UBA1: variants seen among roughly 807,000 people sequenced by gnomAD.
UBA1 encodes the protein ubiquitin like modifier activating enzyme 1, also known as ubiquitin-like modifier-activating enzyme 1.
A neutral mutation model predicts 84.7 loss-of-function variants in UBA1; 4 were observed. The ratio of observed to expected loss-of-function variants is 0.05; its 90% CI spans 0.02 to 0.11. The LOEUF is 0.11. UBA1 is among the 10% of genes least tolerant of loss of function. The pLI is 1.00. For missense variants in UBA1, 513 were observed against 902.8 expected, an observed-to-expected ratio of 0.57 and a Z score of 5.53; for synonymous variants, 364 against 362.6, an observed-to-expected ratio of 1.00 and a Z score of -0.04.
upstream of UBA1, among the ~76,000 whole-genome samples, chrX:47,192,591 C>T (rs1333982169): frequency 9.0e-6 from 1 of 111,260 alleles, no homozygotes; most frequent in Non-Finnish European, 1.9e-5. Flanking sequence ...TTTATATTCT[C>T]TGATTTTCTT....
At chrX:47,206,137 G>A (rs1476025902) in intron 15 of UBA1, 24 bp downstream of exon 15, 1 of 1,189,027 alleles carries the variant, frequency 8.4e-7, no homozygotes, top group Non-Finnish European at 1.1e-6. Flanking sequence ...CGGGTGAGGT[G>A]GTCACGGGCA....
chrX:47,208,037 C>T (rs968174744), intron 16 of UBA1, among the ~76,000 whole-genome samples: 4 of 112,503 alleles, frequency 3.6e-5, no homozygotes, highest in African/African-American at 1.3e-4. Flanking sequence ...CCTGAAGTCA[C>T]AAAACTAGGT....
chrX:47,214,112 T>C (rs782494742), intron 23 of UBA1, among the ~76,000 whole-genome samples: 1 of 110,479 alleles, frequency 9.1e-6, no homozygotes, highest in Admixed American at 9.6e-5. Context: ...GAATTCAAAG[T>C]CCCCAGAGTG....
At chrX:47,206,596 C>T (rs1385298805) in intron 16 of UBA1, 152 bp downstream of exon 16, 1 of 549,604 alleles carries the variant, frequency 1.8e-6, no homozygotes, top group Non-Finnish European at 3.0e-6. Context: ...TCCCACCAGG[C>T]AGCCTAGGTT....
chrX:47,212,127 C>T (rs1602657235), intron 20 of UBA1, among the ~76,000 whole-genome samples: 1 of 108,445 alleles, frequency 9.2e-6, no homozygotes, highest in East Asian at 2.9e-4. Flanking sequence ...TTCCCAAGAT[C>T]TTTACGTCTC....
intron 13 of UBA1, 124 bp downstream of exon 13, chrX:47,203,338 G>T: frequency 1.1e-6 from 1 of 891,659 alleles, no homozygotes; most frequent in East Asian, 3.2e-5. Context: ...TTATCTTGAA[G>T]GGAAGCCCAG....
intron 1 of UBA1, chrX:47,197,545 G>A: frequency 1.3e-6 from 1 of 753,897 alleles, no homozygotes; most frequent in South Asian, 6.7e-5. Context: ...TTGGGGTGAG[G>A]GGAAGTGACG....
At chrX:47,208,292 TAA>T (rs547528117) in intron 16 of UBA1, among the ~76,000 whole-genome samples, 136 of 108,389 alleles carry the variant, frequency 1.3e-3, no homozygotes, top group South Asian at 6.5e-3. Flanking sequence ...TGTGTGTGTG[TAA>T]GTGTCTGTGT....
Position 47,199,467 on chromosome X carries a change from C to T in UBA1, c.346-13C>T. On this transcript the variant is annotated splice_polypyrimidine_tract_variant and intron_variant, in intron 4 of 25. Coordinates refer to ENST00000335972, the MANE Select transcript of UBA1 (RefSeq NM_003334.4). ...AGCCATTTCATCTTTTTCCCTACTG[C>T]ACACCCTTACAGTTCTACCTGCGGG... 1 of 1,211,914 alleles carries T rather than the reference C, an allele frequency of 8.3e-7. No individual in the cohort carries two copies. The highest frequency in any genetic ancestry group is 1.1e-6 in the Non-Finnish European group (1 of 895,540).
chrX:47,191,364 G>C (rs1464293098), upstream of UBA1: 2 of 111,519 alleles, frequency 1.8e-5, no homozygotes, highest in African/African-American at 6.5e-5. Context: ...CATTGTGGAG[G>C]TGTCAGGCCT....
intron 14 of UBA1, 146 bp from the exon 15 acceptor site, chrX:47,205,802 C>T (rs1368348321): frequency 7.4e-6 from 5 of 679,492 alleles, no homozygotes; most frequent in African/African-American, 4.3e-5. Flanking sequence ...TGCAGTGAGC[C>T]GTGATCATGC....
At chrX:47,198,699 G>A in intron 1 of UBA1, 104 bp from the exon 2 acceptor site, 2 of 770,364 alleles carry the variant, frequency 2.6e-6, no homozygotes, top group Non-Finnish European at 4.0e-6. Context: ...TGTAAAATGG[G>A]GGTACTAATA....
chrX:47,209,610 G>T lies in UBA1; in HGVS notation c.1939-13G>T, dbSNP rs782228865. 4.9e-5 allele frequency: 59 copies of T among 1,208,342 alleles called. 1 individual carries two copies. The East Asian group carries it at 1.1e-3, about 22-fold the overall frequency. On this transcript the variant is annotated splice_polypyrimidine_tract_variant and intron_variant, in intron 16 of 25. Coordinates refer to ENST00000335972, the MANE Select transcript of UBA1 (RefSeq NM_003334.4). ...AACTGTGGCCACATGTAATCTGTTT[G>T]CTCTGTCTGCAGTGGGCTCGGGATG...
intron 23 of UBA1, 48 bp downstream of exon 23, chrX:47,213,229 A>G (rs1937001571): frequency 8.6e-7 from 1 of 1,168,598 alleles, no homozygotes; most frequent in African/African-American, 1.8e-5. Flanking sequence ...GTATCTGTGT[A>G]GATCTGGTTC....
At chrX:47,204,430 A>C (rs1556789914) in intron 14 of UBA1, among the ~76,000 whole-genome samples, 1 of 111,381 alleles carries the variant, frequency 9.0e-6, no homozygotes, top group African/African-American at 3.3e-5. Flanking sequence ...AATAACAGCA[A>C]CAAGGTGTAA....
intron 1 of UBA1, chrX:47,198,030 A>G: frequency 6.7e-6 from 6 of 893,392 alleles, no homozygotes; most frequent in Non-Finnish European, 7.0e-6. Flanking sequence ...CTCCGCATGC[A>G]GATGAGGCTT....
chrX:47,209,308 C>G, intron 16 of UBA1: 1 of 424,842 alleles, frequency 2.4e-6, no homozygotes, highest in Non-Finnish European at 4.1e-6. Flanking sequence ...CATCTGCCAC[C>G]ACGCCCAGCT....
At chrX:47,192,318 G>A, upstream of UBA1, among the ~76,000 whole-genome samples, 1 of 110,956 alleles carries the variant, frequency 9.0e-6, no homozygotes, top group Non-Finnish European at 1.9e-5. Context: ...CTTAGCATGT[G>A]CCAGGCACTG....
chrX:47,208,853 G>A (rs782356373), intron 16 of UBA1: 4 of 111,504 alleles, frequency 3.6e-5, no homozygotes, highest in African/African-American at 1.3e-4. Context: ...CACTCAGGAG[G>A]CCAAGGAGTG....
Sources: gnomAD v4.1 joint callset for allele counts (sites outside exome capture counted in the v4.1 genomes callset) on GRCh38, gnomAD v4.1.1 for gene constraint, MANE v1.5 for transcripts, NCBI Gene and HGNC (gene_info 2026-07-23, HGNC 2026-07-21) for gene names.